The following TOGARAM1 variants were observed in gnomAD, a reference collection of about 807,000 sequenced individuals.
The protein encoded by TOGARAM1 is TOG array regulator of axonemal microtubules protein 1.
A neutral mutation model predicts 166.6 loss-of-function variants in TOGARAM1; 100 were observed. The observed-to-expected ratio is 0.60, with a 90% confidence interval of 0.51 to 0.71. The LOEUF is 0.71. Ranked by LOEUF, TOGARAM1 falls within the 30% of genes least tolerant of loss-of-function variation. The pLI is 0.00. For missense variants in TOGARAM1, 2,029 were observed against 2,102.7 expected, an observed-to-expected ratio of 0.96 and a Z score of 0.69; for synonymous variants, 758 against 763.8, an observed-to-expected ratio of 0.99 and a Z score of 0.13.
At chr14:45,014,635 A>T (rs1209525963) in intron 7 of TOGARAM1, among the ~76,000 whole-genome samples, 2 of 152,210 alleles carry the variant, frequency 1.3e-5, no homozygotes, top group Non-Finnish European at 2.9e-5. Flanking sequence ...GATAAACACA[A>T]AAATAACAAT....
chr14:44,964,339 T>C lies in TOGARAM1; in HGVS notation c.1918T>C (p.Tyr640His). The change falls in exon 1 of 20, where the codon TAC becomes CAC. Residue 640 changes from tyrosine to histidine, a missense_variant. This residue lies in a region of TOGARAM1 where 1,453 missense variants were observed against 1,432.2 expected (regional missense o/e 1.01). Transcript: ENST00000361462. ...VRDSMHIYGS[Y>H]SPTICTRRVL... ...GGATAGCATGCACATTTATGGATCT[T>C]ACAGCCCAACTATCTGTACCCGAAG... 6.2e-7 allele frequency: 1 copy of C among 1,614,148 alleles called. No homozygotes were observed. The highest frequency in any genetic ancestry group is 8.5e-7 in the Non-Finnish European group (1 of 1,180,026).
chr14:44,973,852 G>A (rs539482062), intron 1 of TOGARAM1, among the ~76,000 whole-genome samples: 57 of 150,892 alleles, frequency 3.8e-4, no homozygotes, highest in African/African-American at 1.2e-3. Flanking sequence ...TTCTTTGTAT[G>A]GTTTCTGAGA....
intron 1 of TOGARAM1, among the ~76,000 whole-genome samples, chr14:44,976,518 C>T (rs946367239): frequency 6.6e-6 from 1 of 152,160 alleles, no homozygotes; most frequent in African/African-American, 2.4e-5. Context: ...TTATTTTAAT[C>T]TTAGTATCCA....
chr14:44,978,942 T>C (rs1018777572), intron 1 of TOGARAM1, among the ~76,000 whole-genome samples: 1 of 150,510 alleles, frequency 6.6e-6, no homozygotes, highest in Non-Finnish European at 1.5e-5. Flanking sequence ...AAGGCCAGAC[T>C]AGTCAACATT....
intron 1 of TOGARAM1, among the ~76,000 whole-genome samples, chr14:44,979,217 C>T (rs748604955): frequency 2.6e-5 from 4 of 152,142 alleles, no homozygotes; most frequent in Admixed American, 1.3e-4. Flanking sequence ...AGCTATTCTT[C>T]TTCCTGCTGC....
intron 1 of TOGARAM1, among the ~76,000 whole-genome samples, chr14:44,984,668 G>A (rs1403432103): frequency 1.3e-5 from 2 of 151,742 alleles, no homozygotes; most frequent in Non-Finnish European, 2.9e-5. Flanking sequence ...CCAGCTGCTT[G>A]GGAAGCTGAC....
At chr14:45,029,367 TATTA>T (rs1025558302) in intron 10 of TOGARAM1, among the ~76,000 whole-genome samples, 13 of 152,144 alleles carry the variant, frequency 8.5e-5, no homozygotes, top group Non-Finnish European at 1.2e-4. Flanking sequence ...AAATTTGGGG[TATTA>T]ATTCTTGATG....
chr14:44,963,478 CA>C lies in TOGARAM1; in HGVS notation c.1058del (p.Gln353ArgfsTer23). 1 of 1,614,218 alleles carries C rather than the reference CA, an allele frequency of 6.2e-7. No individual in the cohort carries two copies. Among genetic ancestry groups the C allele is most frequent in the Non-Finnish European group, 8.5e-7 (1 of 1,180,046 alleles). On this transcript the variant is annotated frameshift_variant, in exon 1 of 20. Coordinates refer to ENST00000361462, the MANE Select transcript of TOGARAM1 (RefSeq NM_001308120.2). LOFTEE classifies it high-confidence loss of function. ...NSNLKFGIIP[Q>X]ELHSRLLDQE... ...CAATCTTAAATTTGGGATTATTCCT[CA>C]GGAGCTGCATTCACGATTATTGGAT...
chr14:44,976,869 A>G (rs1428888152), intron 1 of TOGARAM1, among the ~76,000 whole-genome samples: 4 of 152,172 alleles, frequency 2.6e-5, no homozygotes, highest in Admixed American at 2.6e-4. Context: ...TTTCGATGTC[A>G]GTTACTCCCA....
Position 44,964,250 on chromosome 14 carries a change from C to G in TOGARAM1, c.1829C>G (p.Thr610Arg), listed in dbSNP as rs766523116. The G allele has an allele frequency of 2.5e-6, 4 of 1,614,118 alleles. No individual in the cohort carries two copies. Residue 610 changes from threonine (T) to arginine (R), a missense_variant, in exon 1 of 20, where the codon ACG becomes AGG. Coordinates refer to ENST00000361462, the MANE Select transcript of TOGARAM1 (RefSeq NM_001308120.2). ...AACCATTTGGCACATGGAGCAGATA[C>G]GGACTGGCTTTTGGCTGGTAACAGA... Reference protein sequence around the residue: ...RSNHLAHGADTDWLLAGNRTQ... With the variant: ...RSNHLAHGADRDWLLAGNRTQ...
At chr14:45,006,439 C>T (rs542895098) in intron 5 of TOGARAM1, 172 bp downstream of exon 5, 36 of 522,312 alleles carry the variant, frequency 6.9e-5, no homozygotes, top group Middle Eastern at 5.3e-4. Flanking sequence ...GAATTTATCA[C>T]GCCAGTTCCC....
intron 19 of TOGARAM1, 87 bp downstream of exon 19, chr14:45,071,885 C>A: frequency 1.0e-6 from 1 of 965,640 alleles, no homozygotes; most frequent in Non-Finnish European, 1.5e-6. Flanking sequence ...GGATAGCTAC[C>A]AACTTAATAT....
chr14:44,994,141 C>G (rs1378399863), intron 1 of TOGARAM1, among the ~76,000 whole-genome samples: 1 of 152,160 alleles, frequency 6.6e-6, no homozygotes, highest in Non-Finnish European at 1.5e-5. Flanking sequence ...GAGTCTCACT[C>G]TGTTGCCCAG....
At chr14:45,044,606 C>G in intron 12 of TOGARAM1, 29 bp from the exon 13 acceptor site, 1 of 1,493,914 alleles carries the variant, frequency 6.7e-7, no homozygotes, top group Non-Finnish European at 9.1e-7. Context: ...AGAATATCAG[C>G]AAAATGTACA....
intron 9 of TOGARAM1, among the ~76,000 whole-genome samples, chr14:45,027,685 A>G (rs1880933412): frequency 6.6e-6 from 1 of 152,110 alleles, no homozygotes; most frequent in Non-Finnish European, 1.5e-5. Flanking sequence ...TAGCCCGAGA[A>G]AGTAGAGAGC....
At chr14:44,975,251 A>G in intron 1 of TOGARAM1, among the ~76,000 whole-genome samples, 1 of 152,134 alleles carries the variant, frequency 6.6e-6, no homozygotes, top group Non-Finnish European at 1.5e-5. Context: ...ATGCCCCCCC[A>G]CCAGGTGAAA....
intron 7 of TOGARAM1, among the ~76,000 whole-genome samples, chr14:45,023,518 C>G (rs769208312): frequency 1.3e-5 from 2 of 152,204 alleles, no homozygotes; most frequent in African/African-American, 2.4e-5. Flanking sequence ...AAGACTGCTA[C>G]TGCCACCACT....
At chr14:45,023,083 G>A (rs927647089) in intron 7 of TOGARAM1, 5 of 152,156 alleles carry the variant, frequency 3.3e-5, no homozygotes, top group Non-Finnish European at 7.3e-5. Flanking sequence ...TTCCTGGAGT[G>A]AAGGAATTAC....
At chr14:45,058,257 C>A (rs1446995841) in intron 16 of TOGARAM1, among the ~76,000 whole-genome samples, 2 of 150,796 alleles carry the variant, frequency 1.3e-5, no homozygotes, top group Non-Finnish European at 2.9e-5. Context: ...GTAAACATAG[C>A]TACACCTGAT....
Sources: gnomAD v4.1 joint callset for allele counts (sites outside exome capture counted in the v4.1 genomes callset) on GRCh38, gnomAD v4.1.1 for gene constraint, gnomAD v4.1.1 regional missense constraint, MANE v1.5 for transcripts, NCBI Gene and HGNC (gene_info 2026-07-23, HGNC 2026-07-21) for gene names.